The following C1GALT1 variants were observed in gnomAD, a reference collection of about 807,000 sequenced individuals.
C1GALT1 encodes the protein core 1 synthase, glycoprotein-N-acetylgalactosamine 3-beta-galactosyltransferase 1.
A neutral mutation model predicts 31.0 loss-of-function variants in C1GALT1; 11 were observed. The observed-to-expected ratio is 0.36, with a 90% CI of 0.22 to 0.59. The LOEUF (loss-of-function observed/expected upper bound fraction) is 0.59. Among genes scored for constraint, C1GALT1 ranks in the 20% least tolerant of loss-of-function variants. C1GALT1 has a pLI of 0.79. For synonymous variants in C1GALT1, 175 were observed against 143.6 expected (o/e 1.22, Z -1.56); for missense variants, 424 against 425.2 (o/e 1.00, Z 0.03).
At chr7:7,202,742 T>A (rs1781574611) in intron 1 of C1GALT1, among the ~76,000 whole-genome samples, 1 of 152,182 alleles carries the variant, frequency 6.6e-6, no homozygotes, top group Non-Finnish European at 1.5e-5. Context: ...TAGAATGGAT[T>A]TTTCTCTTTC....
Position 7,246,436 on chromosome 7 carries a change from TG to T in C1GALT1, c.*2711del, listed in dbSNP as rs981158334. ...AATTGTCACAGTGATTCTTAAACTG[TG>T]GTTCTCACACTTGCCCAGGATGTTG... On this transcript the variant is annotated 3_prime_UTR_variant, in exon 4 of 4. Transcript: ENST00000436587. The T allele has an allele frequency of 3.3e-5, 5 of 152,332 alleles. No individual in the cohort carries two copies. Among genetic ancestry groups the T allele is most frequent in the Admixed American group, 3.3e-4 (5 of 15,300 alleles). The allele number at this position is 152,332 out of a possible 1,614,324, so 9.4% of individuals were successfully genotyped here.
chr7:7,195,425 T>C (rs1781241349), intron 1 of C1GALT1, among the ~76,000 whole-genome samples: 1 of 152,232 alleles, frequency 6.6e-6, no homozygotes, highest in Non-Finnish European at 1.5e-5. Context: ...GATTTCATTG[T>C]TGACTGAATG....
At chr7:7,228,071 C>A in intron 1 of C1GALT1, among the ~76,000 whole-genome samples, 1 of 152,172 alleles carries the variant, frequency 6.6e-6, no homozygotes, top group South Asian at 2.1e-4. Flanking sequence ...AATACTAGTC[C>A]GTACTTTATA....
chr7:7,186,897 G>T (rs139526411), intron 1 of C1GALT1, among the ~76,000 whole-genome samples: 1 of 152,344 alleles, frequency 6.6e-6, no homozygotes, highest in East Asian at 1.9e-4. Context: ...ATTGTGGGTA[G>T]ATCCTTGTAA....
intron 1 of C1GALT1, among the ~76,000 whole-genome samples, chr7:7,230,399 A>G (rs560573187): frequency 6.6e-6 from 1 of 152,134 alleles, no homozygotes; most frequent in African/African-American, 2.4e-5. Context: ...TTTGTATGGT[A>G]TATTTTTCTA....
chr7:7,230,350 T>G lies in C1GALT1; in HGVS notation c.-17-3953T>G, dbSNP rs536834537. On this transcript the variant is annotated intron_variant, in intron 1 of 3. Transcript: ENST00000436587. ...AGAGAACAAGCCATGTAACTACTAG[T>G]TTTTTTTGTGGTATCAATAAGCTTT... 1.6e-4 allele frequency among the ~76,000 whole-genome samples: 24 copies of G among 151,884 alleles called. No individual in the cohort carries two copies. In the South Asian group the frequency reaches 4.8e-3, roughly 30 times the overall value.
Position 7,242,128 on chromosome 7 carries a change from A to C in C1GALT1, c.889-1396A>C, listed in dbSNP as rs1783657622. ...AATAAAATACACACCTAATTTCAAG[A>C]AAGGTTTCATTAATCATCGCAAAAC... On this transcript the variant is annotated intron_variant, in intron 3 of 3. Transcript: ENST00000436587. 2.0e-5 allele frequency among the ~76,000 whole-genome samples: 3 copies of C among 151,916 alleles called. No homozygotes were observed. The South Asian group carries it at 6.2e-4, about 31-fold the overall frequency.
intron 1 of C1GALT1, among the ~76,000 whole-genome samples, chr7:7,196,633 T>G (rs886256751): frequency 4.6e-5 from 7 of 152,146 alleles, no homozygotes; most frequent in Non-Finnish European, 2.9e-5. Flanking sequence ...CTTGAGGAAT[T>G]GCCACACTGT....
intron 2 of C1GALT1, among the ~76,000 whole-genome samples, chr7:7,163,891 CCAAGGTAATT>C (rs1162998328): frequency 2.6e-5 from 4 of 151,374 alleles, no homozygotes; most frequent in Non-Finnish European, 5.9e-5. Flanking sequence ...GCCATACTGC[CCAAGGTAATT>C]TATAGATTCA....
intron 1 of C1GALT1, among the ~76,000 whole-genome samples, chr7:7,188,357 T>A (rs1249485390): frequency 6.6e-6 from 1 of 152,172 alleles, no homozygotes; most frequent in Non-Finnish European, 1.5e-5. Flanking sequence ...TAGAGATGCC[T>A]ATGGTCCAGG....
chr7:7,239,103 G>C, intron 3 of C1GALT1, 181 bp downstream of exon 3: 2 of 588,710 alleles, frequency 3.4e-6, no homozygotes, highest in Non-Finnish European at 5.9e-6. Context: ...ATCAGCAGTA[G>C]TCACTTAGCA....
intron 1 of C1GALT1, among the ~76,000 whole-genome samples, chr7:7,206,902 C>T (rs73674689): frequency 0.2 from 30,077 of 152,000 alleles, 3,541 homozygotes; most frequent in East Asian, 0.37. Context: ...CTCTTTGCCT[C>T]TTAGTGGTTT....
intron 1 of C1GALT1, among the ~76,000 whole-genome samples, chr7:7,205,251 A>G (rs1430568702): frequency 6.6e-6 from 1 of 152,118 alleles, no homozygotes; most frequent in African/African-American, 2.4e-5. Context: ...TAGGGATGCT[A>G]TCCCCCCCAC....
At chr7:7,188,859 A>G (rs1780933923) in intron 1 of C1GALT1, among the ~76,000 whole-genome samples, 1 of 152,218 alleles carries the variant, frequency 6.6e-6, no homozygotes, top group Non-Finnish European at 1.5e-5. Flanking sequence ...CTAACCGATA[A>G]GCATGATCTC....
intron 1 of C1GALT1, among the ~76,000 whole-genome samples, chr7:7,204,334 A>G (rs1173610601): frequency 6.6e-6 from 1 of 151,582 alleles, no homozygotes; most frequent in African/African-American, 2.4e-5. Context: ...TTCCTCATCT[A>G]GGTTATGCAG....
At chr7:7,225,803 A>G (rs930597109) in intron 1 of C1GALT1, among the ~76,000 whole-genome samples, 2 of 152,204 alleles carry the variant, frequency 1.3e-5, no homozygotes, top group South Asian at 2.1e-4. Flanking sequence ...CAAGATTTAT[A>G]AATAGAGCAA....
Position 7,205,043 on chromosome 7 carries a change from A to G in C1GALT1, c.-18+22223A>G, listed in dbSNP as rs191569856. Among the ~76,000 whole-genome samples, 426 of 152,256 alleles carry G rather than the reference A, an allele frequency of 2.8e-3. 1 individual carries two copies. The highest frequency in any genetic ancestry group is 9.9e-3 in the African/African-American group (411 of 41,562). The stretch of plus-strand genomic sequence containing the variant: ...TGTTCAGTCTATGTCTGTTAGACCA[A>G]GTTGGTTTATTGTGTTGTTCAAGTT... On this transcript the variant is annotated intron_variant, in intron 1 of 3. Transcript: ENST00000436587.
At chr7:7,240,767 C>G (rs1282805376) in intron 3 of C1GALT1, among the ~76,000 whole-genome samples, 1 of 152,080 alleles carries the variant, frequency 6.6e-6, no homozygotes, top group African/African-American at 2.4e-5. Flanking sequence ...CCTGTTCTCC[C>G]TCAGGAGATT....
At chr7:7,216,090 C>G (rs947356468) in intron 1 of C1GALT1, among the ~76,000 whole-genome samples, 1 of 152,058 alleles carries the variant, frequency 6.6e-6, no homozygotes, top group African/African-American at 2.4e-5. Flanking sequence ...AAATGCCATG[C>G]TCTTCTGCAA....
Sources: allele counts gnomAD v4.1 joint callset (sites outside exome capture counted in the v4.1 genomes callset), GRCh38; gene constraint gnomAD v4.1.1; transcripts MANE v1.5; gene names NCBI Gene and HGNC (gene_info 2026-07-23, HGNC 2026-07-21).